Variants in COQ8B observed in about 807,000 individuals in gnomAD.
COQ8B encodes the protein coenzyme Q8B.
Under a neutral mutation model 62.0 loss-of-function variants are expected in COQ8B, and 44 were observed. That is an observed-to-expected ratio of 0.71 (90% CI 0.56 to 0.91). COQ8B has a LOEUF of 0.91. Among genes scored for constraint, COQ8B ranks in the 40% least tolerant of loss-of-function variants. The pLI, the probability that COQ8B is intolerant of heterozygous loss-of-function variation, is 0.00. For missense variants in COQ8B, 649 were observed against 731.6 expected (o/e 0.89, Z 1.30); for synonymous variants, 252 against 289.9 (o/e 0.87, Z 1.33).
chr19:40,709,393 C>T (rs1204061253), intron 5 of COQ8B, among the ~76,000 whole-genome samples: 1 of 152,220 alleles, frequency 6.6e-6, no homozygotes, highest in Non-Finnish European at 1.5e-5. Context: ...GAGGGAACCT[C>T]CACCTACCCT....
At chr19:40,709,258 A>G (rs767147510) in intron 5 of COQ8B, among the ~76,000 whole-genome samples, 11 of 152,186 alleles carry the variant, frequency 7.2e-5, no homozygotes, top group Non-Finnish European at 1.2e-4. Flanking sequence ...AAAGTCTTTC[A>G]TGGCTGTTTT....
chr19:40,697,875 G>GAGAGAGAGAGAGAGAGAGC (rs58313890), intron 12 of COQ8B, among the ~76,000 whole-genome samples: 4 of 103,474 alleles, frequency 3.9e-5, no homozygotes, highest in Admixed American at 9.4e-5. Flanking sequence ...GAGAGAGAGA[G>GAGAGAGAGAGAGAGAGAGC]AGTTTCTACT....
Position 40,692,202 on chromosome 19 carries a change from G to A in COQ8B, c.1468C>T (p.Arg490Cys), listed in dbSNP as rs750037594. 1.9e-5 allele frequency: 30 copies of A among 1,600,694 alleles called. No individual in the cohort carries two copies. The highest frequency in any genetic ancestry group is 6.9e-5 in the Admixed American group (4 of 57,958). The change falls in exon 15 of 15, where the codon CGC becomes TGC. Residue 490 changes from arginine (R) to cysteine (C), a missense_variant. Coordinates refer to ENST00000324464, the MANE Select transcript of COQ8B (RefSeq NM_024876.4). ...PPPEETYALHRKLAGAFLACA... is the reference protein window; with the variant it reads ...PPPEETYALHCKLAGAFLACA... ...GCCAGGAAAGCCCCTGCCAGCTTGC[G>A]GTGCAGGGCATAGGTCTCCTCGGGT...
intron 12 of COQ8B, among the ~76,000 whole-genome samples, chr19:40,698,617 C>T (rs2082037672): frequency 6.6e-6 from 1 of 151,838 alleles, no homozygotes; most frequent in South Asian, 2.1e-4. Context: ...TAAACATATC[C>T]CTGGGGTATG....
intron 14 of COQ8B, among the ~76,000 whole-genome samples, chr19:40,692,675 G>A (rs2081982910): frequency 6.6e-6 from 1 of 152,048 alleles, no homozygotes; most frequent in African/African-American, 2.4e-5. Flanking sequence ...CGGTGCCCAT[G>A]TTCCCAGGGT....
chr19:40,715,747 GC>G, intron 1 of COQ8B: 2 of 387,182 alleles, frequency 5.2e-6, no homozygotes, highest in Admixed American at 1.3e-4. Context: ...CTTCCTGTAG[GC>G]CTGACATTTC....
chr19:40,694,208 G>T (rs963535259), intron 13 of COQ8B, among the ~76,000 whole-genome samples: 1 of 152,118 alleles, frequency 6.6e-6, no homozygotes, highest in African/African-American at 2.4e-5. Context: ...AGACACCTCT[G>T]TCCCCAACTT....
In COQ8B at chr19:40,692,995, G is replaced by A. The variant is rs766723105; in HGVS notation, c.1252C>T (p.Gln418Ter). The change falls in exon 14 of 15, where the codon CAG becomes TAG. Residue 418 changes from glutamine to a stop codon, truncating the protein, a stop_gained. Transcript: ENST00000324464. LOFTEE classifies it low-confidence loss of function (END_TRUNC). ...AGGAATTTGAGGTCCCTGGACTTCT[G>A]CAGGACACAGTCTCTGTCTCCATCA... is the stretch of plus-strand genomic sequence containing the variant. ...AADGDRDCVL[Q>*]KSRDLKFLTG... is the part of the protein sequence containing the mutation. 1 of 1,613,852 alleles carries A rather than the reference G, an allele frequency of 6.2e-7. No homozygotes were observed. Among genetic ancestry groups the A allele is most frequent in the African/African-American group, 1.3e-5 (1 of 74,874 alleles).
intron 13 of COQ8B, 85 bp downstream of exon 13, chr19:40,695,904 T>A: frequency 7.4e-7 from 1 of 1,342,836 alleles, no homozygotes; most frequent in Non-Finnish European, 1.1e-6. Context: ...TTCCAGAAAC[T>A]GCATTTCGCC....
chr19:40,697,851 T>TATATATAGAGAGAGAGAGAG (rs1446181673), intron 12 of COQ8B, among the ~76,000 whole-genome samples: 3 of 54,734 alleles, frequency 5.5e-5, no homozygotes, highest in African/African-American at 9.8e-5. Context: ...TATATATATA[T>TATATATAGAGAGAGAGAGAG]AGAGAGAGAG....
In COQ8B at chr19:40,703,557, G is replaced by T; in HGVS notation, c.783C>A (p.Ser261Arg). ...GCGCCTCACCCGCGGGCAGGGCCGC[G>T]CTCATCTTGAGTACCGCCAGCAGGT... ...VQNLLAVLKM[S>R]AALPAGLFAE... The change falls in exon 9 of 15, where the codon AGC becomes AGA. Residue 261 changes from serine to arginine, a missense_variant. Transcript: ENST00000324464. 1.2e-6 allele frequency: 2 copies of T among 1,607,644 alleles called. No individual in the cohort carries two copies. Among genetic ancestry groups the T allele is most frequent in the South Asian group, 2.2e-5 (2 of 90,334 alleles).
At chr19:40,694,787 T>A (rs1299202846) in intron 13 of COQ8B, among the ~76,000 whole-genome samples, 1 of 152,190 alleles carries the variant, frequency 6.6e-6, no homozygotes, top group Non-Finnish European at 1.5e-5. Context: ...CCCTCAGGTC[T>A]CAATGCTGAC....
chr19:40,700,984 G>C (rs1332262352), intron 10 of COQ8B: 1 of 152,900 alleles, frequency 6.5e-6, no homozygotes, highest in East Asian at 1.9e-4. Context: ...CCTGGACCTG[G>C]CCCCCAACCC....
rs1022639786 is a variant in COQ8B, at chr19:40,703,822, G to C, written c.610C>G (p.Gln204Glu). The change falls in exon 8 of 15, where the codon CAG becomes GAG. Residue 204 changes from glutamine (Q) to glutamate (E), a missense_variant. Gln to Glu is a conservative substitution (Grantham distance 29). Coordinates refer to ENST00000324464, the MANE Select transcript of COQ8B (RefSeq NM_024876.4). Reference protein sequence around the residue: ...VLEEELGRDWQAKVASLEEVP... With the variant: ...VLEEELGRDWEAKVASLEEVP... Reference sequence around the variant, plus strand: ...TCCTCCAAGGAGGCCACCTTGGCCTGCCAGTCCCTGCCGAGCTCCTCTTCA... The same window carrying C: ...TCCTCCAAGGAGGCCACCTTGGCCTCCCAGTCCCTGCCGAGCTCCTCTTCA... 6.2e-7 allele frequency: 1 copy of C among 1,612,830 alleles called. No homozygotes were observed. Among genetic ancestry groups the C allele is most frequent in the Non-Finnish European group, 8.5e-7 (1 of 1,179,100 alleles).
intron 4 of COQ8B, among the ~76,000 whole-genome samples, chr19:40,712,322 C>T (rs776091993): frequency 3.3e-5 from 5 of 151,350 alleles, no homozygotes; most frequent in African/African-American, 1.2e-4. Flanking sequence ...CGTCTGTAAT[C>T]CTGGCACTTT....
In COQ8B at chr19:40,703,581, G is replaced by T. The variant is rs781023923; in HGVS notation, c.759C>A (p.Asn253Lys). The change falls in exon 9 of 15, where the codon AAC becomes AAA. Residue 253 changes from asparagine to lysine, a missense_variant. Coordinates refer to ENST00000324464, the MANE Select transcript of COQ8B (RefSeq NM_024876.4). The part of the protein sequence containing the change: ...IAQSIQSDVQ[N>K]LLAVLKMSAA... ...CGCTCATCTTGAGTACCGCCAGCAG[G>T]TTCTGGACATCGCTCTGAATGCTCT... 1 of 1,611,244 alleles carries T rather than the reference G, an allele frequency of 6.2e-7. No homozygotes were observed. The highest frequency in any genetic ancestry group is 2.2e-5 in the East Asian group (1 of 44,790).
chr19:40,713,692 G>A (rs1471641174), intron 4 of COQ8B, among the ~76,000 whole-genome samples: 42 of 146,330 alleles, frequency 2.9e-4, no homozygotes, highest in African/African-American at 1.2e-3. Flanking sequence ...CTCCAGCCTG[G>A]GCAACAGAGC....
chr19:40,706,099 G>A (rs1001920555), intron 5 of COQ8B, among the ~76,000 whole-genome samples: 2 of 152,130 alleles, frequency 1.3e-5, no homozygotes, highest in African/African-American at 4.8e-5. Flanking sequence ...GCAGCCGGGT[G>A]CATGAAATCA....
At position 40,705,309 on chromosome 19, in the gene COQ8B, G is replaced by T; in HGVS notation, c.490+16C>A. 6.3e-7 allele frequency: 1 copy of T among 1,586,782 alleles called. No homozygotes were observed. Among genetic ancestry groups the T allele is most frequent in the South Asian group, 1.1e-5 (1 of 88,226 alleles). On this transcript the variant is annotated intron_variant, in intron 6 of 14. Coordinates refer to ENST00000324464, the MANE Select transcript of COQ8B (RefSeq NM_024876.4). Reference sequence around the variant, plus strand: ...GAAGGGAGGTCAGGGGTCAGGAGTCGAGGGTCATGCTGTACCCTGGATGCT... The same window carrying T: ...GAAGGGAGGTCAGGGGTCAGGAGTCTAGGGTCATGCTGTACCCTGGATGCT...
Sources: allele counts gnomAD v4.1 joint callset (sites outside exome capture counted in the v4.1 genomes callset), GRCh38; gene constraint gnomAD v4.1.1; transcripts MANE v1.5; gene names NCBI Gene and HGNC (gene_info 2026-07-23, HGNC 2026-07-21).